OXA1L: variants seen among roughly 807,000 people sequenced by gnomAD.
OXA1L encodes OXA1L mitochondrial inner membrane insertase, also known as mitochondrial inner membrane protein OXA1L.
Under a neutral mutation model 52.2 loss-of-function variants are expected in OXA1L, and 42 were observed. The ratio of observed to expected loss-of-function variants is 0.80; its 90% CI spans 0.63 to 1.04. The LOEUF (loss-of-function observed/expected upper bound fraction) is 1.04. Among genes scored for constraint, OXA1L ranks in the 50% least tolerant of loss-of-function variants. The pLI is 0.00. For missense variants in OXA1L, 572 were observed against 555.0 expected, an observed-to-expected ratio of 1.03 and a Z score of -0.31; for synonymous variants, 239 against 201.9, an observed-to-expected ratio of 1.18 and a Z score of -1.56.
At chr14:22,771,233 G>A (rs1235056227) in intron 8 of OXA1L, 35 bp from the exon 9 acceptor site, 9 of 1,612,984 alleles carry the variant, frequency 5.6e-6, no homozygotes, top group Non-Finnish European at 6.8e-6. Context: ...CTAAAAATAG[G>A]AATGCAACTG....
chr14:22,771,328 A>C lies in OXA1L; in HGVS notation c.1163A>C (p.Gln388Pro), dbSNP rs778690716. The change falls in exon 9 of 10, where the codon CAG becomes CCG. Residue 388 changes from glutamine (Q) to proline (P), a missense_variant. This residue lies in a region of OXA1L where 244 missense variants were observed against 240.2 expected (regional missense o/e 1.02). Coordinates refer to ENST00000612549, the MANE Select transcript of OXA1L (RefSeq NM_005015.5). ...LREREQRMRN[Q>P]LELAARGPLR... Reference sequence around the variant, plus strand: ...GAGCGTGAACAACGCATGCGGAATCAGTTGGAGCTAGCAGCCAGGGGTAAA... The same window carrying C: ...GAGCGTGAACAACGCATGCGGAATCCGTTGGAGCTAGCAGCCAGGGGTAAA... 6.2e-7 allele frequency: 1 copy of C among 1,614,208 alleles called. No homozygotes were observed. The highest frequency in any genetic ancestry group is 1.1e-5 in the South Asian group (1 of 91,092).
chr14:22,767,130 C>T (rs2038413498), intron 1 of OXA1L, 118 bp from the exon 2 acceptor site: 1 of 1,528,328 alleles, frequency 6.5e-7, no homozygotes, highest in Non-Finnish European at 8.8e-7. Context: ...GCAATGTCCT[C>T]CCCTGTAGTG....
chr14:22,770,434 G>T, intron 5 of OXA1L, 27 bp from the exon 6 acceptor site: 1 of 1,608,008 alleles, frequency 6.2e-7, no homozygotes, highest in African/African-American at 1.3e-5. Context: ...GGTAAAGCAT[G>T]CTGACACTGT....
rs574306544 is a variant in OXA1L at position 22,768,439 on chromosome 14, T to G, written c.439+268T>G. 1.3e-3 allele frequency: 622 copies of G among 467,440 alleles called. 4 individuals are homozygous for G. Among genetic ancestry groups the G allele is most frequent in the Non-Finnish European group, 1.6e-4 (40 of 254,354 alleles). The allele number at this position is 467,440 out of a possible 1,614,324, so 29.0% of individuals were successfully genotyped here. On this transcript the variant is annotated intron_variant, in intron 3 of 9. Transcript: ENST00000612549. The stretch of plus-strand genomic sequence containing the variant: ...AGTCAGGGGACCTTATTAACAGTCA[T>G]GAAGCTATCCTGGTTTAGAACAGAG...
Position 22,767,389 on chromosome 14 carries a change from A to C in OXA1L, c.205A>C (p.Ile69Leu), listed in dbSNP as rs115891437. The stretch of plus-strand genomic sequence containing the variant: ...CCCCCGCAGCCTCAGTACCTCTGCT[A>C]TCTCTTTTGCAGAAGTCCAGGTAAG... Reference protein sequence around the residue: ...SGPRSLSTSAISFAEVQVQAP... With the variant: ...SGPRSLSTSALSFAEVQVQAP... Residue 69 changes from isoleucine (I) to leucine (L), a missense_variant, in exon 2 of 10, where the codon ATC (isoleucine) becomes CTC (leucine). This residue lies in a region of OXA1L where 186 missense variants were observed against 151.8 expected (regional missense o/e 1.23). Coordinates refer to ENST00000612549, the MANE Select transcript of OXA1L (RefSeq NM_005015.5). The C allele has an allele frequency of 3.1e-6, 5 of 1,609,882 alleles. 1 individual carries two copies. In the South Asian group the frequency reaches 5.5e-5, roughly 18 times the overall value.
rs1414376035 is a variant in OXA1L at position 22,767,305 on chromosome 14, C to T, written c.121C>T (p.Leu41=). 1 of 1,613,686 alleles carries T rather than the reference C, an allele frequency of 6.2e-7. No homozygotes were observed. The highest frequency in any genetic ancestry group is 1.1e-5 in the South Asian group (1 of 91,064). ...WLGKPLTTRL[L]FPAAPCCCRP... ...TGGGAAACCGCTGACCACACGGCTC[C>T]TATTCCCAGCAGCCCCGTGCTGCTG... Residue 41 remains leucine (L), a synonymous_variant, in exon 2 of 10, where the codon CTA becomes TTA. Coordinates refer to ENST00000612549, the MANE Select transcript of OXA1L (RefSeq NM_005015.5).
intron 1 of OXA1L, 174 bp from the exon 2 acceptor site, chr14:22,767,074 A>G: frequency 6.5e-7 from 1 of 1,536,616 alleles, no homozygotes; most frequent in Non-Finnish European, 8.7e-7. Context: ...CTCTGCAGGC[A>G]CCACCCGCTG....
In OXA1L at chr14:22,770,562, G is replaced by A. The variant is rs376678984; in HGVS notation, c.771G>A (p.Thr257=). ...TGGLWWFQDL[T]VSDPIYILPL... ...GCCTCTGGTGGTTCCAGGATCTCAC[G>A]GTATCCGATCCCATCTACATATTAC... The change falls in exon 6 of 10, where the codon ACG becomes ACA. Residue 257 remains threonine (T), a synonymous_variant. Coordinates refer to ENST00000612549, the MANE Select transcript of OXA1L (RefSeq NM_005015.5). The A allele has an allele frequency of 6.8e-6, 11 of 1,613,954 alleles. No homozygotes were observed. The highest frequency in any genetic ancestry group is 3.3e-5 in the Admixed American group (2 of 59,998).
rs907097886 is a variant in OXA1L, at chr14:22,767,496, T to C, written c.225+87T>C. 8.5e-6 allele frequency: 10 copies of C among 1,178,252 alleles called. No individual in the cohort carries two copies. In the African/African-American group the frequency reaches 1.4e-4, roughly 16 times the overall value. 73.0% of individuals were successfully genotyped at this position (1,178,252 alleles called of 1,614,324 possible). On this transcript the variant is annotated intron_variant, in intron 2 of 9. Coordinates refer to ENST00000612549, the MANE Select transcript of OXA1L (RefSeq NM_005015.5). ...GTTTTGTTTGGGAGCAGGGGGAATA[T>C]GGAGCAGAGTTCTTGTCCACGCTCC...
chr14:22,766,742 G>T lies in OXA1L; in HGVS notation c.41G>T (p.Arg14Leu). The T allele has an allele frequency of 1.2e-6, 2 of 1,614,236 alleles. No individual in the cohort carries two copies. Among genetic ancestry groups the T allele is most frequent in the South Asian group, 1.1e-5 (1 of 91,090 alleles). The change falls in exon 1 of 10, where the codon CGC becomes CTC. Residue 14 changes from arginine (R) to leucine (L), a missense_variant. This residue lies in a region of OXA1L where 186 missense variants were observed against 151.8 expected (regional missense o/e 1.23). Transcript: ENST00000612549. ...ATGTGCGGACGCCGGGAGCTTCTGC[G>T]CTTGCTACAGTCCGGGCGTCGGGTA... ...GLMCGRRELLRLLQSGRRVHS... is the reference protein window; with the variant it reads ...GLMCGRRELLLLLQSGRRVHS...
At position 22,771,659 on chromosome 14, in the gene OXA1L, T is replaced by C; in HGVS notation, c.*101T>C. 1 of 1,207,656 alleles carries C rather than the reference T, an allele frequency of 8.3e-7. No homozygotes were observed. Among genetic ancestry groups the C allele is most frequent in the Non-Finnish European group, 1.2e-6 (1 of 826,866 alleles). The allele number at this position is 1,207,656 out of a possible 1,614,324, so 74.8% of individuals were successfully genotyped here. ...GTCCTTGCCCCAGTCCTAGGAACTGTGGCACACAGAGATGTTCATTTTAAA... is the reference window on the plus strand; with the variant it reads ...GTCCTTGCCCCAGTCCTAGGAACTGCGGCACACAGAGATGTTCATTTTAAA... On this transcript the variant is annotated 3_prime_UTR_variant, in exon 10 of 10. Transcript: ENST00000612549.
At position 22,767,081 on chromosome 14, in the gene OXA1L, G is replaced by T. The variant is rs982012193; in HGVS notation, c.64-167G>T. ...GAGCTTCGCTCTGCAGGCACCACCC[G>T]CTGCATGCCTTCGGGCTAGCGGTCT... On this transcript the variant is annotated intron_variant, in intron 1 of 9. Transcript: ENST00000612549. 3 of 1,536,548 alleles carry T rather than the reference G, an allele frequency of 2.0e-6. No homozygotes were observed. In the South Asian group the frequency reaches 3.6e-5, roughly 18 times the overall value.
chr14:22,769,990 A>G (rs553595926), intron 4 of OXA1L, 56 bp downstream of exon 4: 35 of 1,593,316 alleles, frequency 2.2e-5, no homozygotes, highest in Non-Finnish European at 1.7e-6. Flanking sequence ...TTTTCCTTAC[A>G]TTCTGCTGGG....
intron 4 of OXA1L, 35 bp from the exon 5 acceptor site, chr14:22,770,158 G>GT: frequency 6.7e-7 from 1 of 1,493,132 alleles, no homozygotes; most frequent in Middle Eastern, 1.7e-4. Context: ...TGATGTAACT[G>GT]TTACCCCAAC....
chr14:22,771,086 A>C lies in OXA1L; in HGVS notation c.1008A>C (p.Pro336=), dbSNP rs370856207. The C allele has an allele frequency of 3.1e-6, 5 of 1,614,154 alleles. No individual in the cohort carries two copies. In the Admixed American group the frequency reaches 8.3e-5, roughly 27 times the overall value. The change falls in exon 8 of 10, where the codon CCA becomes CCC. Residue 336 remains proline (P), a synonymous_variant. Coordinates refer to ENST00000612549, the MANE Select transcript of OXA1L (RefSeq NM_005015.5). ...TCCAAGTATCCTGTCTCCGGATTCC[A>C]GCAGTACGCACTGTACTTAAAATCC... ...SLVQVSCLRI[P]AVRTVLKIPQ...
At position 22,767,254 on chromosome 14, in the gene OXA1L, A is replaced by G. The variant is rs1201359649; in HGVS notation, c.70A>G (p.Ser24Gly). ...RLLQSGRRVH[S>G]VAGPSQWLGK... Reference sequence around the variant, plus strand: ...CATCCTTTTACACGCTCAGGTCCACAGCGTCGCAGGGCCCTCGCAATGGCT... The same window carrying G: ...CATCCTTTTACACGCTCAGGTCCACGGCGTCGCAGGGCCCTCGCAATGGCT... Residue 24 changes from serine (S) to glycine (G), a missense_variant, in exon 2 of 10, where the codon AGC (serine) becomes GGC (glycine). This residue lies in a region of OXA1L where 186 missense variants were observed against 151.8 expected (regional missense o/e 1.23). Coordinates refer to ENST00000612549, the MANE Select transcript of OXA1L (RefSeq NM_005015.5). The G allele has an allele frequency of 8.7e-6, 14 of 1,608,960 alleles. No individual in the cohort carries two copies. Among genetic ancestry groups the G allele is most frequent in the Non-Finnish European group, 1.2e-5 (14 of 1,178,192 alleles).
rs199531562 is a variant in OXA1L, at chr14:22,769,951, A to G, written c.583+17A>G. 1.4e-4 allele frequency: 218 copies of G among 1,613,888 alleles called. No individual in the cohort carries two copies. The African/African-American group carries it at 2.5e-3, about 19-fold the overall frequency. On this transcript the variant is annotated intron_variant, in intron 4 of 9. Coordinates refer to ENST00000612549, the MANE Select transcript of OXA1L (RefSeq NM_005015.5). ...ATATTGAGTGTGAGTCAGTTGCAGA[A>G]TGAGCGTGGGAGAAGTCCACATTTG...
At position 22,771,310 on chromosome 14, in the gene OXA1L, A is replaced by G. The variant is rs1308853390; in HGVS notation, c.1145A>G (p.Glu382Gly). ...AEMTRQLRER[E>G]QRMRNQLELA... ...ATGACGCGTCAGCTGCGAGAGCGTGAACAACGCATGCGGAATCAGTTGGAG... is the reference window on the plus strand; with the variant it reads ...ATGACGCGTCAGCTGCGAGAGCGTGGACAACGCATGCGGAATCAGTTGGAG... Residue 382 changes from glutamate to glycine, a missense_variant, in exon 9 of 10, where the codon GAA becomes GGA. By Grantham distance (98) the Glu-to-Gly change is moderately conservative. Coordinates refer to ENST00000612549, the MANE Select transcript of OXA1L (RefSeq NM_005015.5). 2 of 1,614,234 alleles carry G rather than the reference A, an allele frequency of 1.2e-6. No individual in the cohort carries two copies. Among genetic ancestry groups the G allele is most frequent in the South Asian group, 2.2e-5 (2 of 91,090 alleles).
Position 22,769,871 on chromosome 14 carries a change from C to T in OXA1L, c.520C>T (p.Pro174Ser). The T allele has an allele frequency of 6.2e-7, 1 of 1,614,114 alleles. No individual in the cohort carries two copies. Among genetic ancestry groups the T allele is most frequent in the Non-Finnish European group, 8.5e-7 (1 of 1,180,004 alleles). The change falls in exon 4 of 10, where the codon CCA becomes TCA. Residue 174 changes from proline (P) to serine (S), a missense_variant. Physicochemically the swap from Pro to Ser is moderately conservative, Grantham distance 74 (BLOSUM62 -1). This residue lies in a region of OXA1L where 132 missense variants were observed against 124.0 expected (regional missense o/e 1.06). Coordinates refer to ENST00000612549, the MANE Select transcript of OXA1L (RefSeq NM_005015.5). ...REAARIHNHL[P>S]EIQKFSSRIR... Reference sequence around the variant, plus strand: ...GGCAGCCAGGATCCACAATCACTTGCCAGAGATCCAGAAGTTTTCCAGTCG... The same window carrying T: ...GGCAGCCAGGATCCACAATCACTTGTCAGAGATCCAGAAGTTTTCCAGTCG...
Sources: gnomAD v4.1 joint callset for allele counts on GRCh38, gnomAD v4.1.1 for gene constraint, gnomAD v4.1.1 regional missense constraint, MANE v1.5 for transcripts, NCBI Gene and HGNC (gene_info 2026-07-23, HGNC 2026-07-21) for gene names.